Variants in TMEM132D observed in about 807,000 individuals in gnomAD.
TMEM132D encodes mature OL transmembrane protein.
A neutral mutation model predicts 62.3 loss-of-function variants in TMEM132D; 21 were observed. The ratio of observed to expected loss-of-function variants is 0.34; its 90% confidence interval spans 0.24 to 0.49. TMEM132D has a LOEUF of 0.49. Ranked by LOEUF, TMEM132D falls within the 20% of genes least tolerant of loss-of-function variation. The pLI, the probability that TMEM132D is intolerant of heterozygous loss-of-function variation, is 0.99. For synonymous variants in TMEM132D, 621 were observed against 575.6 expected (o/e 1.08, Z -1.13); for missense variants, 1,346 against 1,402.8 (o/e 0.96, Z 0.65).
intron 3 of TMEM132D, among the ~76,000 whole-genome samples, chr12:129,518,631 G>A (rs1875753627): frequency 6.6e-6 from 1 of 151,440 alleles, no homozygotes; most frequent in South Asian, 2.1e-4. Context: ...ACAAAATCAG[G>A]TTGCTACTCT....
chr12:129,074,578 T>C lies in TMEM132D; in HGVS notation c.2597A>G (p.Lys866Arg), dbSNP rs1402169529. ...TTDRSILQKKKGQESLLDDNS... is the reference protein window; with the variant it reads ...TTDRSILQKKRGQESLLDDNS... Reference sequence around the variant, plus strand: ...GTCATCTAAAAGGCTTTCCTGGCCTTTCTTCTTCTGCAGGATGGACCTGTC... The same window carrying C: ...GTCATCTAAAAGGCTTTCCTGGCCTCTCTTCTTCTGCAGGATGGACCTGTC... Residue 866 changes from lysine (K) to arginine (R), a missense_variant, in exon 9 of 9, where the codon AAA becomes AGA. Coordinates refer to ENST00000422113, the MANE Select transcript of TMEM132D (RefSeq NM_133448.3). 5 of 1,613,710 alleles carry C rather than the reference T, an allele frequency of 3.1e-6. No individual in the cohort carries two copies. In the African/African-American group the frequency reaches 4.0e-5, roughly 13 times the overall value.
At chr12:129,279,446 C>CA (rs1881083262) in intron 4 of TMEM132D, among the ~76,000 whole-genome samples, 2 of 151,984 alleles carry the variant, frequency 1.3e-5, no homozygotes, top group Admixed American at 1.3e-4. Flanking sequence ...CTGAAACCTG[C>CA]AACAGAAGTA....
chr12:129,338,141 C>T (rs759777574), intron 3 of TMEM132D, among the ~76,000 whole-genome samples: 2 of 152,186 alleles, frequency 1.3e-5, no homozygotes, highest in Non-Finnish European at 1.5e-5. Context: ...CTTCCTTTCC[C>T]ATTCTCCATT....
chr12:129,825,397 T>C (rs1385233232), intron 1 of TMEM132D, among the ~76,000 whole-genome samples: 2 of 152,168 alleles, frequency 1.3e-5, no homozygotes. Context: ...AGCTGGGCAG[T>C]GCACTCTGCT....
chr12:129,290,031 A>G (rs557466810), intron 4 of TMEM132D, among the ~76,000 whole-genome samples: 1 of 152,352 alleles, frequency 6.6e-6, no homozygotes, highest in Admixed American at 6.5e-5. Flanking sequence ...TAATAGGTTC[A>G]TATCAATGTT....
At chr12:129,720,574 T>G (rs867628883) in intron 1 of TMEM132D, among the ~76,000 whole-genome samples, 1 of 152,332 alleles carries the variant, frequency 6.6e-6, no homozygotes, top group Middle Eastern at 3.4e-3. Context: ...TGCTCTGAAA[T>G]GATGACAGTG....
At chr12:129,845,899 G>A (rs999089129) in intron 1 of TMEM132D, among the ~76,000 whole-genome samples, 5 of 152,194 alleles carry the variant, frequency 3.3e-5, no homozygotes, top group Admixed American at 2.6e-4. Flanking sequence ...CTCTGCAGTC[G>A]TACTGATACC....
chr12:129,433,106 T>C (rs539697579), intron 3 of TMEM132D, among the ~76,000 whole-genome samples: 1 of 152,338 alleles, frequency 6.6e-6, no homozygotes, highest in East Asian at 1.9e-4. Flanking sequence ...TCACTTACAC[T>C]TCATCTTTGC....
chr12:129,172,343 G>C (rs1005096510), intron 5 of TMEM132D, among the ~76,000 whole-genome samples: 2 of 152,188 alleles, frequency 1.3e-5, no homozygotes, highest in African/African-American at 4.8e-5. Context: ...TCAGCAAAAG[G>C]CTATTTCACT....
intron 3 of TMEM132D, among the ~76,000 whole-genome samples, chr12:129,450,254 G>A (rs1298049151): frequency 6.6e-6 from 1 of 152,072 alleles, no homozygotes; most frequent in Admixed American, 6.6e-5. Flanking sequence ...ATTGCTTTTG[G>A]CATCTTTGTC....
chr12:129,491,416 C>T (rs1156859814), intron 3 of TMEM132D, among the ~76,000 whole-genome samples: 1 of 152,164 alleles, frequency 6.6e-6, no homozygotes, highest in East Asian at 1.9e-4. Context: ...GCCACCCTTG[C>T]GGTAGAGGTG....
At chr12:129,605,479 G>A (rs151264431) in intron 2 of TMEM132D, among the ~76,000 whole-genome samples, 201 of 151,476 alleles carry the variant, frequency 1.3e-3, no homozygotes, top group African/African-American at 4.4e-3. Flanking sequence ...CTCCTGAATA[G>A]TACTTGAATG....
intron 3 of TMEM132D, among the ~76,000 whole-genome samples, chr12:129,407,868 C>T (rs1256455831): frequency 7.4e-6 from 1 of 135,786 alleles, no homozygotes; most frequent in African/African-American, 2.9e-5. Context: ...CCAGCCTGGG[C>T]AACAGAGCGA....
At chr12:129,817,969 ATATG>A (rs1275970466) in intron 1 of TMEM132D, among the ~76,000 whole-genome samples, 1 of 106,232 alleles carries the variant, frequency 9.4e-6, no homozygotes, top group African/African-American at 3.4e-5. Flanking sequence ...GTATGTGTGT[ATATG>A]TGTGTGTGGT....
rs534958312 is a variant in TMEM132D, at chr12:129,825,205, A to T, written c.79+78056T>A. Among the ~76,000 whole-genome samples, 5 of 149,056 alleles carry T rather than the reference A, an allele frequency of 3.4e-5. No individual in the cohort carries two copies. In the South Asian group the frequency reaches 1.1e-3, roughly 32 times the overall value. ...TGTATTTTTTTTTTTTTTAGTAGAG[A>T]TGGGGTTTTGCCATGTTGGCCAGGC... is the stretch of plus-strand genomic sequence containing the variant. On this transcript the variant is annotated intron_variant, in intron 1 of 8. Transcript: ENST00000422113.
chr12:129,574,694 C>T (rs533891601), intron 2 of TMEM132D, among the ~76,000 whole-genome samples: 2 of 151,552 alleles, frequency 1.3e-5, no homozygotes, highest in Non-Finnish European at 2.9e-5. Flanking sequence ...GCATCCACAG[C>T]GAGATGAAAA....
At chr12:129,610,815 G>A (rs572258601) in intron 2 of TMEM132D, among the ~76,000 whole-genome samples, 9 of 152,206 alleles carry the variant, frequency 5.9e-5, no homozygotes, top group Non-Finnish European at 1.0e-4. Context: ...GACATATTAG[G>A]AAGTAAACAG....
At chr12:129,101,708 T>G (rs189633242) in intron 5 of TMEM132D, among the ~76,000 whole-genome samples, 466 of 152,334 alleles carry the variant, frequency 3.1e-3, no homozygotes, top group Non-Finnish European at 5.1e-3. Flanking sequence ...CATTACCTGA[T>G]GCTGTTTTTT....
chr12:129,611,413 T>G (rs1313384263), intron 2 of TMEM132D, among the ~76,000 whole-genome samples: 1 of 152,230 alleles, frequency 6.6e-6, no homozygotes, highest in Admixed American at 6.5e-5. Context: ...TTTGAAAGGT[T>G]CTTCCTTTTG....
Sources: allele counts gnomAD v4.1 joint callset (sites outside exome capture counted in the v4.1 genomes callset), GRCh38; gene constraint gnomAD v4.1.1; transcripts MANE v1.5; gene names NCBI Gene and HGNC (gene_info 2026-07-23, HGNC 2026-07-21).